THRB: variants seen among roughly 807,000 people sequenced by gnomAD.
THRB encodes thyroid hormone receptor beta, also known as nuclear receptor subfamily 1 group A member 2.
Under a neutral mutation model 47.8 loss-of-function variants are expected in THRB, and 12 were observed. The ratio of observed to expected loss-of-function variants is 0.25; its 90% confidence interval spans 0.16 to 0.41. THRB has a LOEUF of 0.41. Ranked by LOEUF, THRB falls within the 10% of genes least tolerant of loss-of-function variation. The probability of loss-of-function intolerance (pLI) is 1.00; values close to 1 mark genes in which losing one functional copy is unlikely to be tolerated. For missense variants in THRB, 348 were observed against 589.2 expected, an observed-to-expected ratio of 0.59 and a Z score of 4.24; for synonymous variants, 218 against 212.2, an observed-to-expected ratio of 1.03 and a Z score of -0.24.
intron 3 of THRB, among the ~76,000 whole-genome samples, chr3:24,284,228 C>G (rs1421057560): frequency 6.6e-6 from 1 of 151,426 alleles, no homozygotes; most frequent in Non-Finnish European, 1.5e-5. Flanking sequence ...GGTACCAAAA[C>G]AGAGATATAG....
At chr3:24,391,689 C>CT (rs2066580153) in intron 1 of THRB, among the ~76,000 whole-genome samples, 1 of 152,012 alleles carries the variant, frequency 6.6e-6, no homozygotes, top group African/African-American at 2.4e-5. Flanking sequence ...CCTCTTTAAG[C>CT]TTATTGGGTC....
chr3:24,193,188 C>T (rs1338306681), intron 4 of THRB, among the ~76,000 whole-genome samples: 1 of 152,176 alleles, frequency 6.6e-6, no homozygotes, highest in Non-Finnish European at 1.5e-5. Flanking sequence ...ATGCCCATAT[C>T]CTTTTGTTCC....
intron 1 of THRB, among the ~76,000 whole-genome samples, chr3:24,389,216 T>C (rs1452576269): frequency 1.3e-5 from 2 of 152,142 alleles, no homozygotes; most frequent in Admixed American, 6.5e-5. Context: ...GCTCATATCA[T>C]AGAATTCCTT....
chr3:24,380,231 T>A (rs1275435269), intron 1 of THRB, among the ~76,000 whole-genome samples: 1 of 150,800 alleles, frequency 6.6e-6, no homozygotes, highest in African/African-American at 2.4e-5. Flanking sequence ...TACTGCCACA[T>A]CCTTAAACAT....
chr3:24,455,895 CTG>C (rs1434454248), intron 1 of THRB, among the ~76,000 whole-genome samples: 2 of 152,202 alleles, frequency 1.3e-5, no homozygotes, highest in African/African-American at 4.8e-5. Context: ...TTTGACATCA[CTG>C]TTATTGCTCA....
intron 1 of THRB, among the ~76,000 whole-genome samples, chr3:24,469,734 A>G (rs146493852): frequency 3.3e-5 from 5 of 152,364 alleles, no homozygotes; most frequent in African/African-American, 1.2e-4. Flanking sequence ...ATTTAGAGAA[A>G]AGTGTTGAAG....
At chr3:24,237,351 G>A (rs2048976908) in intron 3 of THRB, among the ~76,000 whole-genome samples, 1 of 152,132 alleles carries the variant, frequency 6.6e-6, no homozygotes, top group African/African-American at 2.4e-5. Context: ...TTCAACCAGG[G>A]TCTATGGTTG....
At chr3:24,198,008 A>G (rs569237177) in intron 4 of THRB, among the ~76,000 whole-genome samples, 58 of 152,326 alleles carry the variant, frequency 3.8e-4, no homozygotes, top group Non-Finnish European at 4.4e-4. Context: ...GTCCACTAAC[A>G]TCTGGGATGG....
At chr3:24,394,109 G>A (rs2066777589) in intron 1 of THRB, among the ~76,000 whole-genome samples, 1 of 152,054 alleles carries the variant, frequency 6.6e-6, no homozygotes, top group South Asian at 2.1e-4. Flanking sequence ...GAAAATAATC[G>A]AGGTTGTGTG....
At chr3:24,334,747 G>A (rs1252003138) in intron 2 of THRB, among the ~76,000 whole-genome samples, 1 of 152,164 alleles carries the variant, frequency 6.6e-6, no homozygotes, top group African/African-American at 2.4e-5. Context: ...GGGAGTGGCT[G>A]AAGCTAAGAC....
At chr3:24,473,487 G>T (rs944014184) in intron 1 of THRB, among the ~76,000 whole-genome samples, 18 of 152,170 alleles carry the variant, frequency 1.2e-4, no homozygotes, top group African/African-American at 4.1e-4. Flanking sequence ...TTACACTGTT[G>T]GTGGGAGTGT....
At chr3:24,408,549 G>T (rs1371633761) in intron 1 of THRB, among the ~76,000 whole-genome samples, 1 of 151,774 alleles carries the variant, frequency 6.6e-6, no homozygotes, top group African/African-American at 2.4e-5. Flanking sequence ...GAGCTGGTAT[G>T]CAATCATATT....
chr3:24,301,028 G>A (rs570757077), intron 2 of THRB, among the ~76,000 whole-genome samples: 1 of 152,256 alleles, frequency 6.6e-6, no homozygotes, highest in South Asian at 2.1e-4. Flanking sequence ...GACACACAGA[G>A]GGGAGACACA....
At chr3:24,221,541 T>C (rs1260438307) in intron 4 of THRB, among the ~76,000 whole-genome samples, 1 of 151,698 alleles carries the variant, frequency 6.6e-6, no homozygotes, top group Non-Finnish European at 1.5e-5. Flanking sequence ...ATAGTGGAGG[T>C]TGGTGTGATG....
intron 5 of THRB, among the ~76,000 whole-genome samples, chr3:24,187,458 C>G (rs557212332): frequency 6.6e-6 from 1 of 152,294 alleles, no homozygotes; most frequent in South Asian, 2.1e-4. Context: ...GCAGAATTAA[C>G]TTTTGTATCC....
At chr3:24,294,234 A>G (rs1323337641) in intron 3 of THRB, among the ~76,000 whole-genome samples, 3 of 152,220 alleles carry the variant, frequency 2.0e-5, no homozygotes, top group African/African-American at 4.8e-5. Context: ...CCACGTGAAG[A>G]AAGTTAGATG....
intron 3 of THRB, among the ~76,000 whole-genome samples, chr3:24,274,953 GTGTA>G (rs1386947074): frequency 1.3e-5 from 2 of 152,080 alleles, no homozygotes; most frequent in African/African-American, 4.8e-5. Context: ...TCTAAATTAT[GTGTA>G]TGTATGAGAA....
intron 3 of THRB, among the ~76,000 whole-genome samples, chr3:24,236,186 G>A (rs1054656593): frequency 2.0e-4 from 31 of 152,106 alleles, no homozygotes; most frequent in Non-Finnish European, 1.0e-4. Flanking sequence ...TTTGACTCTG[G>A]TATTTGGGGA....
chr3:24,179,150 C>T (rs891590139), intron 5 of THRB, among the ~76,000 whole-genome samples: 1 of 152,136 alleles, frequency 6.6e-6, no homozygotes, highest in Non-Finnish European at 1.5e-5. Context: ...CCTGTGAAAA[C>T]CCCTTAGAGA....
Sources: gnomAD v4.1 joint callset for allele counts (sites outside exome capture counted in the v4.1 genomes callset) on GRCh38, gnomAD v4.1.1 for gene constraint, MANE v1.5 for transcripts, NCBI Gene and HGNC (gene_info 2026-07-23, HGNC 2026-07-21) for gene names.